The following TOP1 variants were observed in gnomAD, a reference collection of about 807,000 sequenced individuals.
TOP1 encodes the protein DNA topoisomerase 1.
Under a neutral mutation model 111.1 loss-of-function variants are expected in TOP1, and 10 were observed. The ratio of observed to expected loss-of-function variants is 0.09; its 90% CI spans 0.06 to 0.15. The LOEUF (loss-of-function observed/expected upper bound fraction) is 0.15, where lower values mean the gene tolerates loss of function less well. TOP1 is among the 10% of genes least tolerant of loss of function. The pLI is 1.00. For synonymous variants in TOP1, 271 were observed against 302.9 expected (o/e 0.89, Z 1.10); for missense variants, 474 against 926.7 (o/e 0.51, Z 6.34).
At position 41,077,783 on chromosome 20, in the gene TOP1, G is replaced by A. The variant is rs917036888; in HGVS notation, c.335+146G>A. ...CAGAAGCTCAGCAGTGAGAAGACTC[G>A]GTCTAAGCCAACCTGAGCCTTTCTA... On this transcript the variant is annotated intron_variant, in intron 5 of 20. Coordinates refer to ENST00000361337, the MANE Select transcript of TOP1 (RefSeq NM_003286.4). 6 of 693,828 alleles carry A rather than the reference G, an allele frequency of 8.6e-6. 1 individual carries two copies. The Admixed American group carries it at 1.0e-4, about 12-fold the overall frequency. 43.0% of individuals were successfully genotyped at this position (693,828 alleles called of 1,614,324 possible).
rs1250700767 is a variant in TOP1, at chr20:41,121,821, T to C, written c.2045+31T>C. The C allele has an allele frequency of 2.5e-6, 4 of 1,605,222 alleles. No homozygotes were observed. The highest frequency in any genetic ancestry group is 1.7e-5 in the Admixed American group (1 of 60,010). On this transcript the variant is annotated intron_variant, in intron 19 of 20. Transcript: ENST00000361337. The surrounding 1 kb of genome is among the most constrained non-coding windows in gnomAD (Gnocchi z 4.2). ...TACCTGGTATTGTGAAAGTTGGGGCTGGTAGAGAAAAGTGTGCAGCATCTG... is the reference window on the plus strand; with the variant it reads ...TACCTGGTATTGTGAAAGTTGGGGCCGGTAGAGAAAAGTGTGCAGCATCTG...
At position 41,075,401 on chromosome 20, in the gene TOP1, G is replaced by C. The variant is rs1399229058; in HGVS notation, c.156-770G>C. Among the ~76,000 whole-genome samples the C allele has an allele frequency of 1.3e-5, 2 of 152,160 alleles. 1 individual carries two copies. Among genetic ancestry groups the C allele is most frequent in the Non-Finnish European group, 2.9e-5 (2 of 68,020 alleles). ...TTAGCCGGGATGGTCTCAGTCTCCT[G>C]ACCTCGTGATCCGCCTGCCTCGGCC... On this transcript the variant is annotated intron_variant, in intron 3 of 20. Coordinates refer to ENST00000361337, the MANE Select transcript of TOP1 (RefSeq NM_003286.4).
At chr20:41,049,085 T>G (rs2033369463) in intron 2 of TOP1, among the ~76,000 whole-genome samples, 1 of 152,170 alleles carries the variant, frequency 6.6e-6, no homozygotes, top group African/African-American at 2.4e-5. Flanking sequence ...ATTTAACCCT[T>G]TTGTGTGTGT....
In TOP1 at chr20:41,109,713, G is replaced by A. The variant is rs192700365; in HGVS notation, c.1309-3069G>A. Among the ~76,000 whole-genome samples, 119 of 152,282 alleles carry A rather than the reference G, an allele frequency of 7.8e-4. No individual in the cohort carries two copies. The highest frequency in any genetic ancestry group is 2.7e-3 in the African/African-American group (112 of 41,554). On this transcript the variant is annotated intron_variant, in intron 13 of 20. Transcript: ENST00000361337. This position sits in a 1 kb window ranked among gnomAD's most constrained non-coding sequence, Gnocchi z 4.1. ...ATGGTCAATAAATAAGCAAATGAAAGAGTGCTCGACATCACTAATTATCAG... is the reference window on the plus strand; with the variant it reads ...ATGGTCAATAAATAAGCAAATGAAAAAGTGCTCGACATCACTAATTATCAG...
At chr20:41,036,830 TTC>T (rs1444391656) in intron 2 of TOP1, among the ~76,000 whole-genome samples, 1,685 of 43,952 alleles carry the variant, frequency 0.038, 10 homozygotes, top group South Asian at 0.072. Context: ...GTTCCTACTT[TTC>T]TTTTTTTTTT....
intron 14 of TOP1, among the ~76,000 whole-genome samples, chr20:41,113,308 T>C (rs1228106661): frequency 6.6e-6 from 1 of 152,210 alleles, no homozygotes; most frequent in Non-Finnish European, 1.5e-5. Context: ...CTGAATTGTC[T>C]CAAAATTCAC....
intron 13 of TOP1, among the ~76,000 whole-genome samples, chr20:41,111,843 T>C (rs1192449855): frequency 6.6e-6 from 1 of 152,172 alleles, no homozygotes; most frequent in Non-Finnish European, 1.5e-5. Flanking sequence ...TGCTGTTTTA[T>C]GTAATTCCCT....
chr20:41,029,700 T>C lies in TOP1; in HGVS notation c.58+245T>C. The C allele has an allele frequency of 1.7e-6, 1 of 579,038 alleles. No individual in the cohort carries two copies. Among genetic ancestry groups the C allele is most frequent in the Non-Finnish European group, 3.2e-6 (1 of 316,950 alleles). The allele number at this position is 579,038 out of a possible 1,614,324, so 35.9% of individuals were successfully genotyped here. A position where few individuals can be genotyped will look rare whatever the true frequency, so the allele number is the denominator to read the frequency against. On this transcript the variant is annotated intron_variant, in intron 2 of 20. Coordinates refer to ENST00000361337, the MANE Select transcript of TOP1 (RefSeq NM_003286.4). This position sits in a 1 kb window ranked among gnomAD's most constrained non-coding sequence, Gnocchi z 6.1. ...ACCCCGTGTCGTCCGCCACCGGGCC[T>C]CGGGCGGTCTTTCCGGGCCGGGATT...
Position 41,100,484 on chromosome 20 carries a change from G to A in TOP1, c.1163+241G>A, listed in dbSNP as rs1310053127. On this transcript the variant is annotated intron_variant, in intron 12 of 20. Transcript: ENST00000361337. This position sits in a 1 kb window ranked among gnomAD's most constrained non-coding sequence, Gnocchi z 4.4. ...AACTTCGACCCAATTGCTGTCACTT[G>A]GAACACATTTCTGTTGATGTCTTCC... is the stretch of plus-strand genomic sequence containing the variant. 2.0e-5 allele frequency among the ~76,000 whole-genome samples: 3 copies of A among 152,110 alleles called. No individual in the cohort carries two copies. Among genetic ancestry groups the A allele is most frequent in the South Asian group, 2.1e-4 (1 of 4,820 alleles).
chr20:41,072,201 C>T, intron 3 of TOP1: 1 of 981,184 alleles, frequency 1.0e-6, no homozygotes. Context: ...ATATTATAGC[C>T]TACAATTGTA....
intron 2 of TOP1, among the ~76,000 whole-genome samples, chr20:41,057,191 G>A (rs532980520): frequency 4.0e-5 from 6 of 151,118 alleles, no homozygotes; most frequent in East Asian, 2.0e-4. Flanking sequence ...GCTTGAACCC[G>A]GGAGGCTGAG....
In TOP1 at chr20:41,094,471, C is replaced by G. The variant is rs529384469; in HGVS notation, c.730+1884C>G. Reference sequence around the variant, plus strand: ...AAGTGATGGGAGGGAAAGCTAGATTCCCTAGTCCTGTGGTTTCTCTTCCTT... The same window carrying G: ...AAGTGATGGGAGGGAAAGCTAGATTGCCTAGTCCTGTGGTTTCTCTTCCTT... On this transcript the variant is annotated intron_variant, in intron 9 of 20. Coordinates refer to ENST00000361337, the MANE Select transcript of TOP1 (RefSeq NM_003286.4). This position sits in a 1 kb window ranked among gnomAD's most constrained non-coding sequence, Gnocchi z 4.4. 2.0e-4 allele frequency among the ~76,000 whole-genome samples: 30 copies of G among 152,266 alleles called. 1 individual carries two copies. The highest frequency in any genetic ancestry group is 7.2e-4 in the African/African-American group (30 of 41,564).
rs144137386 is a variant in TOP1, at chr20:41,056,128, C to T, written c.59-5266C>T. 9.8e-5 allele frequency among the ~76,000 whole-genome samples: 15 copies of T among 152,314 alleles called. No individual in the cohort carries two copies. The East Asian group carries it at 2.9e-3, about 29-fold the overall frequency. The stretch of plus-strand genomic sequence containing the variant: ...CACCAGAGAGTATTATAAGCAAATT[C>T]CAGGCATCGCTTACATGGAAGTACT... On this transcript the variant is annotated intron_variant, in intron 2 of 20. Transcript: ENST00000361337.
chr20:41,067,561 A>G lies in TOP1; in HGVS notation c.155+6071A>G, dbSNP rs1264178668. Among the ~76,000 whole-genome samples, 1 of 152,252 alleles carries G rather than the reference A, an allele frequency of 6.6e-6. No individual in the cohort carries two copies. The highest frequency in any genetic ancestry group is 1.5e-5 in the Non-Finnish European group (1 of 68,040). On this transcript the variant is annotated intron_variant, in intron 3 of 20. Transcript: ENST00000361337. The surrounding 1 kb of genome is among the most constrained non-coding windows in gnomAD (Gnocchi z 4.0). ...ATCACATCTGAACCCCAGAATAATT[A>G]GTATTTAGCATGTTCTGTTCCAAAA...
At chr20:41,039,955 C>T (rs774524323) in intron 2 of TOP1, among the ~76,000 whole-genome samples, 23 of 152,154 alleles carry the variant, frequency 1.5e-4, no homozygotes, top group Non-Finnish European at 2.6e-4. Context: ...GGTAGGTTGT[C>T]GGAATGGCTA....
Position 41,029,630 on chromosome 20 carries a change from C to G in TOP1, c.58+175C>G, listed in dbSNP as rs2033091533. ...GCCTCTTGACCCCCTTTCCGGGGAC[C>G]CCAGCTCCTCCAGATCCCGGCCCTC... On this transcript the variant is annotated intron_variant, in intron 2 of 20. Coordinates refer to ENST00000361337, the MANE Select transcript of TOP1 (RefSeq NM_003286.4). The surrounding 1 kb of genome is among the most constrained non-coding windows in gnomAD (Gnocchi z 6.1). 6 of 675,590 alleles carry G rather than the reference C, an allele frequency of 8.9e-6. No homozygotes were observed. The highest frequency in any genetic ancestry group is 1.3e-5 in the Non-Finnish European group (5 of 373,148). The allele number at this position is 675,590 out of a possible 1,614,324, so 41.8% of individuals were successfully genotyped here.
intron 13 of TOP1, among the ~76,000 whole-genome samples, chr20:41,103,798 C>T (rs148759862): frequency 2.0e-5 from 3 of 152,096 alleles, no homozygotes; most frequent in African/African-American, 7.2e-5. Context: ...ATTAGAAACA[C>T]CCATTCTCCT....
chr20:41,029,551 C>A lies in TOP1; in HGVS notation c.58+96C>A. On this transcript the variant is annotated intron_variant, in intron 2 of 20. Transcript: ENST00000361337. This position sits in a 1 kb window ranked among gnomAD's most constrained non-coding sequence, Gnocchi z 6.1. ...CCGGGCAGAGGACAGACATGGCGTC[C>A]CAGAGACTAAGTCCCGGCTCCTCGC... 2 of 990,676 alleles carry A rather than the reference C, an allele frequency of 2.0e-6. No individual in the cohort carries two copies. The highest frequency in any genetic ancestry group is 5.3e-5 in the East Asian group (2 of 37,484). 61.4% of individuals were successfully genotyped at this position (990,676 alleles called of 1,614,324 possible).
chr20:41,075,511 T>C (rs905025990), intron 3 of TOP1, among the ~76,000 whole-genome samples: 3 of 152,220 alleles, frequency 2.0e-5, no homozygotes, highest in African/African-American at 7.2e-5. Context: ...TTCCCTAAGA[T>C]AAATTTCCAG....
Sources: allele counts gnomAD v4.1 joint callset (sites outside exome capture counted in the v4.1 genomes callset), GRCh38; gene constraint gnomAD v4.1.1; non-coding constraint Gnocchi (gnomAD v3.1); transcripts MANE v1.5; gene names NCBI Gene and HGNC (gene_info 2026-07-23, HGNC 2026-07-21).